PLCB4: variants seen among roughly 807,000 people sequenced by gnomAD.
PLCB4 encodes phospholipase C beta 4, also known as 1-phosphatidylinositol 4,5-bisphosphate phosphodiesterase beta-4.
In PLCB4, 77 loss-of-function variants were observed where a neutral mutation model predicts 178.8. The ratio of observed to expected loss-of-function variants is 0.43; its 90% CI spans 0.36 to 0.52. The LOEUF (loss-of-function observed/expected upper bound fraction) is 0.52, where lower values mean the gene tolerates loss of function less well. Among genes scored for constraint, PLCB4 ranks in the 20% least tolerant of loss-of-function variants. The pLI, the probability that PLCB4 is intolerant of heterozygous loss-of-function variation, is 0.00. For synonymous variants in PLCB4, 496 were observed against 490.8 expected (o/e 1.01, Z -0.14); for missense variants, 1,024 against 1,453.4 (o/e 0.70, Z 4.80).
chr20:9,371,076 A>T (rs1277464410), intron 9 of PLCB4, 138 bp from the exon 10 acceptor site: 3 of 646,556 alleles, frequency 4.6e-6, no homozygotes, highest in Non-Finnish European at 8.4e-6. Context: ...AATGAAAAAC[A>T]TCTGCAATGA....
chr20:9,430,043 G>A (rs946227295), intron 28 of PLCB4, among the ~76,000 whole-genome samples: 1 of 151,868 alleles, frequency 6.6e-6, no homozygotes, highest in Non-Finnish European at 1.5e-5. Context: ...TAACACTAAC[G>A]ATAGCTGATG....
Position 9,387,459 on chromosome 20 carries a change from C to T in PLCB4, c.1065-4C>T. ...TCAATATTGTAACTTCACTATATCC[C>T]TAGATGTGTTGAACTTGACTGCTGG... On this transcript the variant is annotated splice_region_variant and splice_polypyrimidine_tract_variant and intron_variant, in intron 14 of 39. Transcript: ENST00000378473. The T allele has an allele frequency of 6.7e-7, 1 of 1,487,212 alleles. No individual in the cohort carries two copies. 92.1% of individuals were successfully genotyped at this position (1,487,212 alleles called of 1,614,324 possible).
chr20:9,287,302 C>T (rs2094544064), intron 3 of PLCB4, among the ~76,000 whole-genome samples: 1 of 151,956 alleles, frequency 6.6e-6, no homozygotes, highest in African/African-American at 2.4e-5. Flanking sequence ...TATTAGGAAA[C>T]AGAAGGGATT....
intron 32 of PLCB4, among the ~76,000 whole-genome samples, chr20:9,450,276 A>T (rs1055956178): frequency 6.6e-6 from 1 of 152,158 alleles, no homozygotes; most frequent in Admixed American, 6.6e-5. Flanking sequence ...TTAAGCTAAG[A>T]TGGACTTAGA....
chr20:9,433,610 CAA>C (rs957082112), intron 28 of PLCB4, among the ~76,000 whole-genome samples: 13 of 152,088 alleles, frequency 8.5e-5, no homozygotes, highest in African/African-American at 3.1e-4. Flanking sequence ...ATGTGGCAAA[CAA>C]ATGTTTATAA....
At chr20:9,246,880 G>A (rs1464971917) in intron 3 of PLCB4, among the ~76,000 whole-genome samples, 4 of 152,026 alleles carry the variant, frequency 2.6e-5, no homozygotes, top group African/African-American at 7.2e-5. Flanking sequence ...TCAGAATAGT[G>A]TTTATTAATA....
chr20:9,090,803 A>G (rs1349194361), intron 1 of PLCB4, among the ~76,000 whole-genome samples: 1 of 152,118 alleles, frequency 6.6e-6, no homozygotes, highest in Non-Finnish European at 1.5e-5. Flanking sequence ...TGGAGTCATC[A>G]CAGTTTATTT....
intron 2 of PLCB4, among the ~76,000 whole-genome samples, chr20:9,188,077 T>C (rs544550898): frequency 6.6e-6 from 1 of 152,340 alleles, no homozygotes; most frequent in East Asian, 1.9e-4. Context: ...AGGTATATAA[T>C]ATGAATTGAT....
intron 24 of PLCB4, among the ~76,000 whole-genome samples, 165 bp downstream of exon 24, chr20:9,409,346 AC>A (rs1568764018): frequency 6.6e-6 from 1 of 151,806 alleles, no homozygotes; most frequent in Admixed American, 6.6e-5. Context: ...AAAAAAAAAA[AC>A]CAAAATAGAG....
At chr20:9,109,663 A>G (rs2091503536) in intron 2 of PLCB4, among the ~76,000 whole-genome samples, 1 of 152,214 alleles carries the variant, frequency 6.6e-6, no homozygotes, top group African/African-American at 2.4e-5. Flanking sequence ...TGTTTGGAAG[A>G]CAGGCAGAAC....
chr20:9,113,061 C>T (rs554863226), intron 2 of PLCB4, among the ~76,000 whole-genome samples: 3 of 152,158 alleles, frequency 2.0e-5, no homozygotes, highest in East Asian at 3.9e-4. Flanking sequence ...GAAGGAATGG[C>T]GGTCCTGTGA....
chr20:9,345,841 A>G (rs1239231853), intron 7 of PLCB4, among the ~76,000 whole-genome samples: 1 of 152,212 alleles, frequency 6.6e-6, no homozygotes, highest in Non-Finnish European at 1.5e-5. Flanking sequence ...TGTTACCAGT[A>G]ATAAAATATT....
chr20:9,191,345 A>ATTTTTTTTTT (rs71184136), intron 2 of PLCB4, among the ~76,000 whole-genome samples: 1 of 58,842 alleles, frequency 1.7e-5, no homozygotes, highest in African/African-American at 7.4e-5. Context: ...CTAGATAGGC[A>ATTTTTTTTTT]TTTTTTTTTT....
rs1602170893 is a variant in PLCB4, at chr20:9,371,029, T to A, written c.504-185T>A. 14 of 568,748 alleles carry A rather than the reference T, an allele frequency of 2.5e-5. No homozygotes were observed. The East Asian group carries it at 4.1e-4, about 16-fold the overall frequency. 35.2% of individuals were successfully genotyped at this position (568,748 alleles called of 1,614,324 possible). On this transcript the variant is annotated intron_variant, in intron 9 of 39. Transcript: ENST00000378473. ...GTTGCATCACTAGACTAACCAGCTC[T>A]GGGAACCAGAGGGACACTGGAGGAA... is the stretch of plus-strand genomic sequence containing the variant.
At chr20:9,406,244 A>G (rs906972560) in intron 21 of PLCB4, among the ~76,000 whole-genome samples, 45 of 152,172 alleles carry the variant, frequency 3.0e-4, no homozygotes, top group Non-Finnish European at 4.3e-4. Flanking sequence ...CTGTGTGTGC[A>G]AGAACTCATC....
intron 2 of PLCB4, among the ~76,000 whole-genome samples, chr20:9,111,033 A>G (rs1488209327): frequency 6.6e-6 from 1 of 152,158 alleles, no homozygotes; most frequent in Non-Finnish European, 1.5e-5. Flanking sequence ...AAGAATGTTA[A>G]TAGGTGTTCT....
chr20:9,258,257 T>C (rs181263466), intron 3 of PLCB4, among the ~76,000 whole-genome samples: 65 of 152,306 alleles, frequency 4.3e-4, no homozygotes, highest in African/African-American at 1.5e-3. Context: ...CATTTTTATG[T>C]AAATGTTAGA....
intron 7 of PLCB4, among the ~76,000 whole-genome samples, chr20:9,352,832 C>G (rs1257292606): frequency 6.6e-6 from 1 of 152,164 alleles, no homozygotes; most frequent in East Asian, 1.9e-4. Flanking sequence ...CTCACCCATT[C>G]AGTTCTATCT....
chr20:9,229,294 G>A (rs1352353188), intron 3 of PLCB4, among the ~76,000 whole-genome samples: 3 of 152,166 alleles, frequency 2.0e-5, no homozygotes, highest in East Asian at 3.9e-4. Context: ...GGTACAGAAT[G>A]AAGCTGCTTT....
Sources: allele counts gnomAD v4.1 joint callset (sites outside exome capture counted in the v4.1 genomes callset), GRCh38; gene constraint gnomAD v4.1.1; transcripts MANE v1.5; gene names NCBI Gene and HGNC (gene_info 2026-07-23, HGNC 2026-07-21).